Variants in BMPR2 observed in about 807,000 individuals in gnomAD.
The protein encoded by BMPR2 is bone morphogenetic protein receptor type-2.
BMPR2 carries 29 observed loss-of-function variants against 100.8 expected under a neutral mutation model. The observed-to-expected ratio is 0.29, with a 90% CI of 0.21 to 0.39. The LOEUF is 0.39. Among genes scored for constraint, BMPR2 ranks in the 10% least tolerant of loss-of-function variants. The probability of loss-of-function intolerance (pLI) is 1.00; values close to 1 mark genes in which losing one functional copy is unlikely to be tolerated. For missense variants in BMPR2, 1,011 were observed against 1,274.5 expected (o/e 0.79, Z 3.15); for synonymous variants, 382 against 442.3 (o/e 0.86, Z 1.71).
intron 9 of BMPR2, among the ~76,000 whole-genome samples, chr2:202,536,700 C>G (rs1188037098): frequency 6.6e-6 from 1 of 151,848 alleles, no homozygotes. Context: ...TGGTGAAACC[C>G]TGTCTCTACT....
chr2:202,383,605 C>T lies in BMPR2; in HGVS notation c.76+6055C>T, dbSNP rs189451089. Among the ~76,000 whole-genome samples, 559 of 149,152 alleles carry T rather than the reference C, an allele frequency of 3.7e-3. 3 individuals are homozygous for T. The highest frequency in any genetic ancestry group is 0.013 in the African/African-American group (540 of 40,440). ...TGAGGCATCGCTTGAACCTGGGAAG[C>T]GGAGGTTGTGGTGAGCCGAGGTTGT... is the stretch of plus-strand genomic sequence containing the variant. On this transcript the variant is annotated intron_variant, in intron 1 of 12. Transcript: ENST00000374580.
chr2:202,519,387 C>T (rs1008901151), intron 6 of BMPR2, among the ~76,000 whole-genome samples: 5 of 152,058 alleles, frequency 3.3e-5, no homozygotes, highest in Non-Finnish European at 7.4e-5. Flanking sequence ...AATAAACTGA[C>T]ATTTATATTA....
intron 1 of BMPR2, among the ~76,000 whole-genome samples, chr2:202,435,990 C>T (rs1691607185): frequency 6.6e-6 from 1 of 150,586 alleles, no homozygotes; most frequent in South Asian, 2.1e-4. Context: ...CACATGACTG[C>T]CTTAAGTATT....
At chr2:202,488,741 T>C (rs1261718445) in intron 3 of BMPR2, among the ~76,000 whole-genome samples, 3 of 152,236 alleles carry the variant, frequency 2.0e-5, no homozygotes, top group South Asian at 4.1e-4. Flanking sequence ...AGTTTAACCA[T>C]TTTTAAAAAT....
chr2:202,434,704 A>G lies in BMPR2; in HGVS notation c.77-30105A>G, dbSNP rs141045733. ...GCTGGCACAATCTTGGCTCACTGCAACCTTGACCTCTGGGGCTCAAGCGAG... is the reference window on the plus strand; with the variant it reads ...GCTGGCACAATCTTGGCTCACTGCAGCCTTGACCTCTGGGGCTCAAGCGAG... On this transcript the variant is annotated intron_variant, in intron 1 of 12. Transcript: ENST00000374580. Among the ~76,000 whole-genome samples, 37 of 147,904 alleles carry G rather than the reference A, an allele frequency of 2.5e-4. No homozygotes were observed. The East Asian group carries it at 6.4e-3, about 26-fold the overall frequency.
At chr2:202,428,424 G>A (rs1263306932) in intron 1 of BMPR2, among the ~76,000 whole-genome samples, 2 of 150,964 alleles carry the variant, frequency 1.3e-5, no homozygotes, top group African/African-American at 4.9e-5. Flanking sequence ...TTTAAGAGAC[G>A]GGCTTACTCC....
At chr2:202,558,986 T>C (rs1317182149) in intron 12 of BMPR2, among the ~76,000 whole-genome samples, 1 of 151,356 alleles carries the variant, frequency 6.6e-6, no homozygotes, top group Non-Finnish European at 1.5e-5. Flanking sequence ...CTGAAAAATA[T>C]TGTATGCCAG....
intron 11 of BMPR2, among the ~76,000 whole-genome samples, chr2:202,553,687 T>C (rs572408561): frequency 1.6e-4 from 24 of 152,264 alleles, no homozygotes; most frequent in African/African-American, 5.5e-4. Flanking sequence ...TTTTTGTTTT[T>C]TTTTGTTTGT....
chr2:202,443,904 G>A (rs1342451767), intron 1 of BMPR2, among the ~76,000 whole-genome samples: 1 of 150,288 alleles, frequency 6.7e-6, no homozygotes, highest in Non-Finnish European at 1.5e-5. Context: ...ATATGGAGGA[G>A]CCATATGTGC....
chr2:202,410,240 T>C (rs2350806), intron 1 of BMPR2, among the ~76,000 whole-genome samples: 76,491 of 151,650 alleles, frequency 0.5, 19,873 homozygotes, highest in African/African-American at 0.61. Flanking sequence ...CCGCCTCGGC[T>C]TCCCAAGATG....
chr2:202,482,410 G>T (rs1692677503), intron 3 of BMPR2, among the ~76,000 whole-genome samples: 1 of 152,096 alleles, frequency 6.6e-6, no homozygotes, highest in Non-Finnish European at 1.5e-5. Flanking sequence ...GTCTTGCTTT[G>T]TTGCCTAGAC....
intron 5 of BMPR2, among the ~76,000 whole-genome samples, chr2:202,517,794 C>A (rs1687741294): frequency 1.3e-5 from 2 of 151,600 alleles, no homozygotes; most frequent in Middle Eastern, 3.4e-3. Flanking sequence ...AAGGCCAGAA[C>A]AATTTTCTGT....
intron 3 of BMPR2, among the ~76,000 whole-genome samples, chr2:202,502,891 T>C (rs1161049516): frequency 1.3e-5 from 2 of 152,382 alleles, no homozygotes; most frequent in Admixed American, 1.3e-4. Flanking sequence ...TTCTAGGTCC[T>C]GTGGCAGCCA....
Position 202,564,152 on chromosome 2 carries a change from A to C in BMPR2, c.*4206A>C, listed in dbSNP as rs1688717972. Reference sequence around the variant, plus strand: ...TTCTAGTCTTTGTAAGTGCCTCCTGAAAGTCATTTAAAATGGAAAAATATT... The same window carrying C: ...TTCTAGTCTTTGTAAGTGCCTCCTGCAAGTCATTTAAAATGGAAAAATATT... On this transcript the variant is annotated 3_prime_UTR_variant, in exon 13 of 13. Transcript: ENST00000374580. 6.6e-6 allele frequency: 1 copy of C among 152,206 alleles called. No homozygotes were observed. The highest frequency in any genetic ancestry group is 1.5e-5 in the Non-Finnish European group (1 of 68,028). 9.4% of individuals were successfully genotyped at this position (152,206 alleles called of 1,614,324 possible). A position where few individuals can be genotyped will look rare whatever the true frequency, so the allele number is the denominator to read the frequency against.
rs768942121 is a variant in BMPR2, at chr2:202,495,945, G to T, written c.419-17774G>T. ...TTTTGGAAGTAGGAGGACCTTAAAA[G>T]TCACTTACAAGATCACTTATTTTTA... On this transcript the variant is annotated intron_variant, in intron 3 of 12. Transcript: ENST00000374580. The surrounding 1 kb of genome is among the most constrained non-coding windows in gnomAD (Gnocchi z 4.5). Among the ~76,000 whole-genome samples the T allele has an allele frequency of 8.5e-5, 13 of 152,156 alleles. No homozygotes were observed. Among genetic ancestry groups the T allele is most frequent in the Non-Finnish European group, 1.8e-4 (12 of 68,026 alleles).
At chr2:202,404,938 C>T (rs1367925031) in intron 1 of BMPR2, among the ~76,000 whole-genome samples, 1 of 152,118 alleles carries the variant, frequency 6.6e-6, no homozygotes, top group African/African-American at 2.4e-5. Context: ...ATCCTCCCAC[C>T]TCAGCCTCCC....
intron 1 of BMPR2, among the ~76,000 whole-genome samples, chr2:202,402,849 A>G (rs555660000): frequency 6.9e-6 from 1 of 144,770 alleles, no homozygotes; most frequent in South Asian, 2.2e-4. Context: ...TTTTTTTGAG[A>G]TGGAGTTTCG....
At chr2:202,504,096 C>T (rs13430195) in intron 3 of BMPR2, among the ~76,000 whole-genome samples, 6,996 of 152,048 alleles carry the variant, frequency 0.046, 526 homozygotes, top group African/African-American at 0.16. Context: ...GGATTGTAAA[C>T]GCACCAATCA....
intron 3 of BMPR2, chr2:202,469,436 G>T (rs1692391494): frequency 3.7e-6 from 1 of 273,884 alleles, no homozygotes; most frequent in Non-Finnish European, 7.4e-6. Flanking sequence ...ATTCTTCACA[G>T]TATACGCAAA....
Sources: allele counts gnomAD v4.1 joint callset (sites outside exome capture counted in the v4.1 genomes callset), GRCh38; gene constraint gnomAD v4.1.1; non-coding constraint Gnocchi (gnomAD v3.1); transcripts MANE v1.5; gene names NCBI Gene and HGNC (gene_info 2026-07-23, HGNC 2026-07-21).